Variants in ELMO1 observed in about 807,000 individuals in gnomAD.
The protein encoded by ELMO1 is engulfment and cell motility protein 1.
Under a neutral mutation model 98.9 loss-of-function variants are expected in ELMO1, and 26 were observed. The ratio of observed to expected loss-of-function variants is 0.26; its 90% CI spans 0.19 to 0.36. The LOEUF (loss-of-function observed/expected upper bound fraction) is 0.36, where lower values mean the gene tolerates loss of function less well. Among genes scored for constraint, ELMO1 ranks in the 10% least tolerant of loss-of-function variants. The pLI, the probability that ELMO1 is intolerant of heterozygous loss-of-function variation, is 1.00. For synonymous variants in ELMO1, 346 were observed against 346.0 expected, an observed-to-expected ratio of 1.00 and a Z score of 0.00; for missense variants, 627 against 935.2, an observed-to-expected ratio of 0.67 and a Z score of 4.30.
intron 16 of ELMO1, among the ~76,000 whole-genome samples, chr7:36,921,071 C>T (rs937871250): frequency 3.9e-5 from 6 of 152,274 alleles, no homozygotes; most frequent in South Asian, 2.1e-4. Context: ...CATGTGAGGA[C>T]GCAAGAAGGC....
rs573032923 is a variant in ELMO1, at chr7:37,081,843, A to G, written c.1300+14776T>C. Reference sequence around the variant, plus strand: ...AACAAAAACAAAAAAAATAATGAAAACAATGAACCCTGCGAGGCCTTACAT... The same window carrying G: ...AACAAAAACAAAAAAAATAATGAAAGCAATGAACCCTGCGAGGCCTTACAT... On this transcript the variant is annotated intron_variant, in intron 15 of 21. Coordinates refer to ENST00000310758, the MANE Select transcript of ELMO1 (RefSeq NM_014800.11). 8.5e-5 allele frequency among the ~76,000 whole-genome samples: 13 copies of G among 152,320 alleles called. No individual in the cohort carries two copies. In the South Asian group the frequency reaches 1.7e-3, roughly 19 times the overall value.
At chr7:37,417,558 GGAGGCT>G (rs1804277770) in intron 1 of ELMO1, among the ~76,000 whole-genome samples, 1 of 152,110 alleles carries the variant, frequency 6.6e-6, no homozygotes, top group South Asian at 2.1e-4. Flanking sequence ...CAGCTACTCG[GGAGGCT>G]GAGGCAGGAG....
At chr7:36,887,794 C>A in intron 17 of ELMO1, 122 bp from the exon 18 acceptor site, 1 of 769,440 alleles carries the variant, frequency 1.3e-6, no homozygotes. Context: ...TCTAATACCT[C>A]CAACTTGGTG....
chr7:37,369,076 A>G (rs1424154379), intron 1 of ELMO1, among the ~76,000 whole-genome samples: 1 of 152,230 alleles, frequency 6.6e-6, no homozygotes, highest in Non-Finnish European at 1.5e-5. Context: ...AAATAAACGG[A>G]TAAACATATA....
At chr7:37,097,012 A>C (rs1584637703) in intron 14 of ELMO1, among the ~76,000 whole-genome samples, 6 of 152,124 alleles carry the variant, frequency 3.9e-5, no homozygotes, top group African/African-American at 1.2e-4. Flanking sequence ...TAGTACAATA[A>C]AGACTTTTTC....
intron 1 of ELMO1, among the ~76,000 whole-genome samples, chr7:37,390,695 T>C (rs534514873): frequency 6.6e-6 from 1 of 152,294 alleles, no homozygotes; most frequent in African/African-American, 2.4e-5. Flanking sequence ...GGCTTATGGG[T>C]TTGTTTGCAA....
intron 1 of ELMO1, among the ~76,000 whole-genome samples, chr7:37,397,223 T>C (rs1165861702): frequency 2.0e-5 from 3 of 152,262 alleles, no homozygotes; most frequent in African/African-American, 4.8e-5. Flanking sequence ...AAATACTTTT[T>C]TCATGACCTC....
At chr7:37,407,509 A>G (rs1306700832) in intron 1 of ELMO1, among the ~76,000 whole-genome samples, 1 of 148,102 alleles carries the variant, frequency 6.8e-6, no homozygotes, top group Non-Finnish European at 1.5e-5. Flanking sequence ...CTCCATCTCA[A>G]AAAAAAAAAA....
At chr7:36,876,392 A>G (rs1349985363) in intron 19 of ELMO1, among the ~76,000 whole-genome samples, 1 of 145,492 alleles carries the variant, frequency 6.9e-6, no homozygotes, top group Non-Finnish European at 1.5e-5. Context: ...TTATTTTTTA[A>G]TATCCTTTTT....
chr7:37,068,125 C>T (rs1797081195), intron 15 of ELMO1, among the ~76,000 whole-genome samples: 1 of 152,108 alleles, frequency 6.6e-6, no homozygotes, highest in South Asian at 2.1e-4. Flanking sequence ...ACGTGTTCCA[C>T]TTTGACACAT....
intron 13 of ELMO1, among the ~76,000 whole-genome samples, chr7:37,142,932 A>G (rs1787735435): frequency 6.6e-6 from 1 of 152,132 alleles, no homozygotes; most frequent in Admixed American, 6.6e-5. Context: ...TCTTCTTTGA[A>G]TTTTGCACCC....
At chr7:37,246,824 A>ATATATATCTG (rs1399256408) in intron 6 of ELMO1, among the ~76,000 whole-genome samples, 1 of 152,012 alleles carries the variant, frequency 6.6e-6, no homozygotes. Flanking sequence ...ATCTATCTAT[A>ATATATATCTG]TATATATCTG....
intron 13 of ELMO1, among the ~76,000 whole-genome samples, chr7:37,180,786 AT>A (rs1411714746): frequency 6.8e-6 from 1 of 146,194 alleles, no homozygotes; most frequent in East Asian, 2.0e-4. Context: ...ACACACACAC[AT>A]ATGCACATAT....
chr7:37,189,782 T>A (rs1047159444), intron 13 of ELMO1, among the ~76,000 whole-genome samples: 28 of 152,256 alleles, frequency 1.8e-4, no homozygotes, highest in African/African-American at 6.7e-4. Flanking sequence ...GTGGAACAAA[T>A]CAAGTACCTA....
Position 37,271,357 on chromosome 7 carries a change from G to C in ELMO1, c.243+475C>G, listed in dbSNP as rs185396398. The C allele has an allele frequency of 9.7e-5, 15 of 155,352 alleles. No individual in the cohort carries two copies. In the East Asian group the frequency reaches 2.5e-3, roughly 26 times the overall value. 9.6% of individuals were successfully genotyped at this position (155,352 alleles called of 1,614,324 possible). ...CATTAGGTGGATGTGTGAGTAGGTGGGTAAAACCAATTGGTACAGGTGAGT... is the reference window on the plus strand; with the variant it reads ...CATTAGGTGGATGTGTGAGTAGGTGCGTAAAACCAATTGGTACAGGTGAGT... On this transcript the variant is annotated intron_variant, in intron 5 of 21. Transcript: ENST00000310758.
chr7:37,166,909 C>T (rs1321784373), intron 13 of ELMO1, among the ~76,000 whole-genome samples: 1 of 151,946 alleles, frequency 6.6e-6, no homozygotes. Flanking sequence ...CTTTCTATCT[C>T]GTCGATCTGT....
At chr7:37,151,173 G>A (rs1053140480) in intron 13 of ELMO1, among the ~76,000 whole-genome samples, 8 of 152,338 alleles carry the variant, frequency 5.3e-5, no homozygotes, top group African/African-American at 1.9e-4. Flanking sequence ...AGAGTCAGGG[G>A]CAATCTCAGG....
At chr7:37,037,674 C>T (rs1584547996) in intron 15 of ELMO1, among the ~76,000 whole-genome samples, 1 of 152,154 alleles carries the variant, frequency 6.6e-6, no homozygotes, top group East Asian at 1.9e-4. Context: ...GAGCTGGGGT[C>T]AACAGAAGTT....
chr7:37,390,001 C>T (rs544896424), intron 1 of ELMO1, among the ~76,000 whole-genome samples: 2 of 152,236 alleles, frequency 1.3e-5, no homozygotes, highest in African/African-American at 4.8e-5. Flanking sequence ...TTCTCTAGCG[C>T]TTTCATCCCC....
Sources: gnomAD v4.1 joint callset for allele counts (sites outside exome capture counted in the v4.1 genomes callset) on GRCh38, gnomAD v4.1.1 for gene constraint, MANE v1.5 for transcripts, NCBI Gene and HGNC (gene_info 2026-07-23, HGNC 2026-07-21) for gene names.